Variants in CHST10 observed in about 807,000 individuals in gnomAD.
The protein encoded by CHST10 is carbohydrate sulfotransferase 10, also known as HNK-1 sulfotransferase.
In CHST10, 24 loss-of-function variants were observed where a neutral mutation model predicts 34.7. The observed-to-expected ratio is 0.69, with a 90% CI of 0.50 to 0.97. CHST10 has a LOEUF of 0.97. CHST10 is among the 50% of genes least tolerant of loss of function. CHST10 has a pLI of 0.00. For missense variants in CHST10, 402 were observed against 452.1 expected, an observed-to-expected ratio of 0.89 and a Z score of 1.00; for synonymous variants, 161 against 169.3, an observed-to-expected ratio of 0.95 and a Z score of 0.38.
intron 3 of CHST10, among the ~76,000 whole-genome samples, chr2:100,405,537 C>G (rs114998389): frequency 0.024 from 3,607 of 152,288 alleles, 65 homozygotes; most frequent in African/African-American, 0.055. Context: ...CAGGGACATG[C>G]CTGGGAGCTC....
chr2:100,411,160 C>T (rs1675819324), intron 2 of CHST10, among the ~76,000 whole-genome samples: 5 of 149,558 alleles, frequency 3.3e-5, no homozygotes, highest in Admixed American at 2.7e-4. Flanking sequence ...TCTGTCACCC[C>T]GGCTGGAGTG....
At chr2:100,407,557 G>A (rs188961893) in intron 2 of CHST10, 20 of 152,366 alleles carry the variant, frequency 1.3e-4, no homozygotes, top group African/African-American at 4.6e-4. Flanking sequence ...GCATGGCAGG[G>A]AGAAGTGGTC....
Position 100,393,042 on chromosome 2 carries a change from G to A in CHST10, c.*203C>T. ...CTAATGCACGCAGGGGTGTGGGCAGGGTCCTCAGAGCATCTTACATCCAAA... is the reference window on the plus strand; with the variant it reads ...CTAATGCACGCAGGGGTGTGGGCAGAGTCCTCAGAGCATCTTACATCCAAA... On this transcript the variant is annotated 3_prime_UTR_variant, in exon 7 of 7. Transcript: ENST00000264249. The A allele has an allele frequency of 3.3e-6, 2 of 604,428 alleles. No homozygotes were observed. Among genetic ancestry groups the A allele is most frequent in the South Asian group, 4.1e-5 (2 of 48,928 alleles). 37.4% of individuals were successfully genotyped at this position (604,428 alleles called of 1,614,324 possible).
chr2:100,406,738 C>T, intron 2 of CHST10, 31 bp from the exon 3 acceptor site: 3 of 1,541,752 alleles, frequency 1.9e-6, no homozygotes, highest in East Asian at 4.9e-5. Context: ...GCCCCTGCTG[C>T]TTACAAATAC....
At chr2:100,406,756 C>CAA in intron 2 of CHST10, 49 bp from the exon 3 acceptor site, 1 of 1,521,908 alleles carries the variant, frequency 6.6e-7, no homozygotes, top group East Asian at 2.5e-5. Flanking sequence ...TACATCAAGT[C>CAA]AACAAAGAGG....
At chr2:100,410,929 T>G (rs535511247) in intron 2 of CHST10, among the ~76,000 whole-genome samples, 1 of 152,130 alleles carries the variant, frequency 6.6e-6, no homozygotes, top group Admixed American at 6.5e-5. Flanking sequence ...AAAGACAAGT[T>G]GCAGGATGGA....
chr2:100,402,208 CT>C (rs1675371559), intron 4 of CHST10, among the ~76,000 whole-genome samples: 1 of 152,198 alleles, frequency 6.6e-6, no homozygotes, highest in Admixed American at 6.5e-5. Context: ...CCCTTTCACT[CT>C]AAAACCCCAT....
At chr2:100,412,228 C>T (rs865780539) in intron 2 of CHST10, among the ~76,000 whole-genome samples, 3 of 152,184 alleles carry the variant, frequency 2.0e-5, no homozygotes, top group South Asian at 2.1e-4. Context: ...CAAGCAACCC[C>T]GGTTGGGTGC....
chr2:100,417,077 T>C (rs1357359546), intron 1 of CHST10: 1 of 1,302,330 alleles, frequency 7.7e-7, no homozygotes, highest in Non-Finnish European at 1.0e-6. Context: ...CCATCTACAA[T>C]TACAAACGCA....
intron 6 of CHST10, among the ~76,000 whole-genome samples, chr2:100,394,124 T>C (rs1401252371): frequency 6.6e-6 from 1 of 152,202 alleles, no homozygotes; most frequent in Non-Finnish European, 1.5e-5. Flanking sequence ...CAAATTTTGT[T>C]CCTGGGCAGA....
rs1453384845 is a variant in CHST10 at position 100,415,105 on chromosome 2, C to G, written c.-97G>C. On this transcript the variant is annotated 5_prime_UTR_variant, in exon 2 of 7. Transcript: ENST00000264249. ...CCCTGAACTGAGGTTCTTGGTTCCTCTTGTCACTGGATAGGAAAATTAAAA... is the reference window on the plus strand; with the variant it reads ...CCCTGAACTGAGGTTCTTGGTTCCTGTTGTCACTGGATAGGAAAATTAAAA... 3.9e-6 allele frequency: 5 copies of G among 1,296,140 alleles called. No homozygotes were observed. In the South Asian group the frequency reaches 6.3e-5, roughly 16 times the overall value. The allele number at this position is 1,296,140 out of a possible 1,614,324, so 80.3% of individuals were successfully genotyped here.
intron 2 of CHST10, among the ~76,000 whole-genome samples, chr2:100,409,150 C>A (rs1029053054): frequency 6.6e-6 from 1 of 152,196 alleles, no homozygotes; most frequent in African/African-American, 2.4e-5. Context: ...CTGCTCATTC[C>A]CTCCAGGCTT....
intron 4 of CHST10, 65 bp downstream of exon 4, chr2:100,402,499 G>C (rs1022657155): frequency 7.4e-7 from 1 of 1,357,148 alleles, no homozygotes; most frequent in Admixed American, 1.7e-5. Flanking sequence ...ACAGGGGAAG[G>C]CCAGCTCCCC....
In CHST10 at chr2:100,393,621, G is replaced by A. The variant is rs149656297; in HGVS notation, c.695C>T (p.Thr232Ile). 16 of 1,614,122 alleles carry A rather than the reference G, an allele frequency of 9.9e-6. No individual in the cohort carries two copies. The highest frequency in any genetic ancestry group is 1.6e-4 in the Middle Eastern group (1 of 6,062). ...GAAATCTTCAAACTGGATCCCCCGG[G>A]TCTCTGTCCGGTTCCTCCTGTATTT... ...IRKYRRNRTE[T>I]RGIQFEDFVR... The change falls in exon 7 of 7, where the codon ACC (threonine) becomes ATC (isoleucine). Residue 232 changes from threonine to isoleucine, a missense_variant. Thr to Ile is a moderately conservative substitution (Grantham distance 89). Transcript: ENST00000264249.
intron 1 of CHST10, chr2:100,416,784 C>T: frequency 2.6e-6 from 1 of 383,924 alleles, no homozygotes; most frequent in Non-Finnish European, 5.1e-6. Context: ...CCATTCACTG[C>T]CCAACCCTTT....
At position 100,404,205 on chromosome 2, in the gene CHST10, G is replaced by A. The variant is rs554692015; in HGVS notation, c.101-1550C>T. Among the ~76,000 whole-genome samples, 18 of 152,286 alleles carry A rather than the reference G, an allele frequency of 1.2e-4. No individual in the cohort carries two copies. In the East Asian group the frequency reaches 1.4e-3, roughly 11 times the overall value. On this transcript the variant is annotated intron_variant, in intron 3 of 6. Coordinates refer to ENST00000264249, the MANE Select transcript of CHST10 (RefSeq NM_004854.5). ...AGTGCTGTGGTGGTCACCCCGCAACGGGAGTGGGCCCACAACAGAAGATTC... is the reference window on the plus strand; with the variant it reads ...AGTGCTGTGGTGGTCACCCCGCAACAGGAGTGGGCCCACAACAGAAGATTC...
In CHST10 at chr2:100,392,482, C is replaced by G. The variant is rs1674836110; in HGVS notation, c.*763G>C. The G allele has an allele frequency of 6.6e-6, 1 of 152,354 alleles. No individual in the cohort carries two copies. Among genetic ancestry groups the G allele is most frequent in the Non-Finnish European group, 1.5e-5 (1 of 68,140 alleles). 9.4% of individuals were successfully genotyped at this position (152,354 alleles called of 1,614,324 possible). On this transcript the variant is annotated 3_prime_UTR_variant, in exon 7 of 7. Coordinates refer to ENST00000264249, the MANE Select transcript of CHST10 (RefSeq NM_004854.5). ...TTTTAAGGCCCTCAAAGACACTCCC[C>G]TTCTCAGGTAGAAAAAGCCTCCCCT... is the stretch of plus-strand genomic sequence containing the variant.
intron 4 of CHST10, among the ~76,000 whole-genome samples, chr2:100,401,382 T>C (rs1448091322): frequency 1.3e-5 from 2 of 152,196 alleles, no homozygotes; most frequent in Non-Finnish European, 2.9e-5. Context: ...GCAGTCTTTT[T>C]ATTTGCAATG....
chr2:100,411,857 G>A (rs1313226259), intron 2 of CHST10, among the ~76,000 whole-genome samples: 1 of 152,198 alleles, frequency 6.6e-6, no homozygotes, highest in Non-Finnish European at 1.5e-5. Flanking sequence ...CTTGGGCAGA[G>A]TGGTCTGGGA....
Sources: gnomAD v4.1 joint callset for allele counts (sites outside exome capture counted in the v4.1 genomes callset) on GRCh38, gnomAD v4.1.1 for gene constraint, MANE v1.5 for transcripts, NCBI Gene and HGNC (gene_info 2026-07-23, HGNC 2026-07-21) for gene names.